The following SHISA6 variants were observed in gnomAD, a reference collection of about 807,000 sequenced individuals.
The protein encoded by SHISA6 is protein shisa-6.
In SHISA6, 22 loss-of-function variants were observed where a neutral mutation model predicts 47.9. That is an observed-to-expected ratio of 0.46 (90% CI 0.33 to 0.66). The LOEUF is 0.66. SHISA6 is among the 30% of genes least tolerant of loss of function. SHISA6 has a pLI of 0.02. For missense variants in SHISA6, 680 were observed against 764.6 expected (o/e 0.89, Z 1.30); for synonymous variants, 388 against 337.8 (o/e 1.15, Z -1.63).
At chr17:11,487,639 T>A (rs572926823) in intron 3 of SHISA6, among the ~76,000 whole-genome samples, 1 of 152,210 alleles carries the variant, frequency 6.6e-6, no homozygotes, top group Non-Finnish European at 1.5e-5. Flanking sequence ...TCAGCTAAAG[T>A]GTACTAATGC....
chr17:11,323,669 A>T (rs1240689004), intron 2 of SHISA6, among the ~76,000 whole-genome samples: 3 of 132,034 alleles, frequency 2.3e-5, no homozygotes, highest in African/African-American at 7.7e-5. Context: ...TAAATAAATA[A>T]AATAATAATA....
rs749095003 is a variant in SHISA6 at position 11,275,443 on chromosome 17, A to G, written c.799+11917A>G. 3.5e-4 allele frequency among the ~76,000 whole-genome samples: 53 copies of G among 152,202 alleles called. 1 individual carries two copies. The highest frequency in any genetic ancestry group is 2.9e-4 in the Non-Finnish European group (20 of 68,032). On this transcript the variant is annotated intron_variant, in intron 2 of 5. Coordinates refer to ENST00000441885, the MANE Select transcript of SHISA6 (RefSeq NM_207386.4). ...TCCAGATTCATTGATTCCTTCGTTC[A>G]TTCAAAAGTGATTTTGGTCCTTTAT...
At chr17:11,337,395 G>A (rs1029780601) in intron 2 of SHISA6, among the ~76,000 whole-genome samples, 2 of 152,174 alleles carry the variant, frequency 1.3e-5, no homozygotes, top group Non-Finnish European at 2.9e-5. Flanking sequence ...TGCATGATTT[G>A]CCATGCACTT....
intron 3 of SHISA6, among the ~76,000 whole-genome samples, chr17:11,398,254 G>A (rs768752762): frequency 5.9e-5 from 9 of 151,870 alleles, no homozygotes; most frequent in African/African-American, 1.7e-4. Context: ...TATACTATTC[G>A]TATTTTAAAA....
At chr17:11,488,015 T>C (rs1186811803) in intron 3 of SHISA6, among the ~76,000 whole-genome samples, 1 of 152,190 alleles carries the variant, frequency 6.6e-6, no homozygotes, top group Admixed American at 6.5e-5. Context: ...TTTTATTGTG[T>C]CGGATGGGGT....
At chr17:11,451,717 G>T (rs1915407240) in intron 3 of SHISA6, among the ~76,000 whole-genome samples, 1 of 152,188 alleles carries the variant, frequency 6.6e-6, no homozygotes, top group African/African-American at 2.4e-5. Flanking sequence ...GCCAGGCCCA[G>T]TGTGTGGAAA....
At chr17:11,341,376 C>T (rs1347210844) in intron 2 of SHISA6, among the ~76,000 whole-genome samples, 2 of 122,772 alleles carry the variant, frequency 1.6e-5, no homozygotes, top group African/African-American at 6.3e-5. Context: ...GCTCTGTTGT[C>T]CAGGATGGAG....
chr17:11,418,795 T>G (rs75648194), intron 3 of SHISA6, among the ~76,000 whole-genome samples: 3,158 of 152,298 alleles, frequency 0.021, 109 homozygotes, highest in African/African-American at 0.071. Context: ...ATTGTTGTAT[T>G]TATAATGAAT....
intron 3 of SHISA6, among the ~76,000 whole-genome samples, chr17:11,470,287 T>G (rs1027413675): frequency 6.6e-6 from 1 of 152,238 alleles, no homozygotes; most frequent in Non-Finnish European, 1.5e-5. Flanking sequence ...TTCACACAGC[T>G]GGACCAACTC....
chr17:11,355,462 G>A (rs1052422800), intron 2 of SHISA6, among the ~76,000 whole-genome samples: 2 of 152,186 alleles, frequency 1.3e-5, no homozygotes, highest in Non-Finnish European at 2.9e-5. Flanking sequence ...GAGATTATGG[G>A]AATAAATGAA....
At chr17:11,437,122 T>C (rs1914962786) in intron 3 of SHISA6, among the ~76,000 whole-genome samples, 1 of 152,088 alleles carries the variant, frequency 6.6e-6, no homozygotes, top group South Asian at 2.1e-4. Context: ...AAAGATAATA[T>C]AGGATTGCAT....
intron 3 of SHISA6, among the ~76,000 whole-genome samples, chr17:11,394,998 C>CTTTTTTTTTTTT (rs772109588): frequency 5.3e-5 from 5 of 95,102 alleles, no homozygotes; most frequent in Non-Finnish European, 8.4e-5. Context: ...TTTTTCTTTT[C>CTTTTTTTTTTTT]TTTTTTTTTT....
At chr17:11,483,976 T>C (rs1312691900) in intron 3 of SHISA6, among the ~76,000 whole-genome samples, 2 of 151,954 alleles carry the variant, frequency 1.3e-5, no homozygotes, top group African/African-American at 2.4e-5. Flanking sequence ...CAATTCAGAA[T>C]TGAAAGACTA....
intron 2 of SHISA6, among the ~76,000 whole-genome samples, chr17:11,294,449 G>A (rs1175612509): frequency 1.3e-5 from 2 of 152,198 alleles, no homozygotes; most frequent in African/African-American, 2.4e-5. Flanking sequence ...CAGGGAGAAG[G>A]TAGCAGCTGT....
At chr17:11,281,613 G>C (rs772034696) in intron 2 of SHISA6, among the ~76,000 whole-genome samples, 1 of 152,014 alleles carries the variant, frequency 6.6e-6, no homozygotes, top group East Asian at 1.9e-4. Context: ...CCATAGTTCT[G>C]TTTTCTTGTC....
chr17:11,257,475 A>G (rs942883401), intron 1 of SHISA6, among the ~76,000 whole-genome samples: 1 of 152,060 alleles, frequency 6.6e-6, no homozygotes, highest in African/African-American at 2.4e-5. Flanking sequence ...AGCCTGAGCA[A>G]CATGGTGAAA....
intron 3 of SHISA6, among the ~76,000 whole-genome samples, chr17:11,447,912 G>C (rs1915277067): frequency 6.6e-6 from 1 of 152,166 alleles, no homozygotes; most frequent in South Asian, 2.1e-4. Flanking sequence ...GACAGCAGTG[G>C]GCAGGGCTGG....
At chr17:11,525,890 T>A (rs1458251143) in intron 3 of SHISA6, among the ~76,000 whole-genome samples, 3 of 151,912 alleles carry the variant, frequency 2.0e-5, no homozygotes, top group Non-Finnish European at 1.5e-5. Flanking sequence ...ACACCTGTAG[T>A]CCCAGTTACT....
At chr17:11,335,803 T>C (rs1215123253) in intron 2 of SHISA6, among the ~76,000 whole-genome samples, 3 of 152,240 alleles carry the variant, frequency 2.0e-5, no homozygotes, top group African/African-American at 7.2e-5. Context: ...GGAACCTGTC[T>C]GAGCCTCATT....
Sources: allele counts gnomAD v4.1 joint callset (sites outside exome capture counted in the v4.1 genomes callset), GRCh38; gene constraint gnomAD v4.1.1; transcripts MANE v1.5; gene names NCBI Gene and HGNC (gene_info 2026-07-23, HGNC 2026-07-21).